Variants in SND1 observed in about 807,000 individuals in gnomAD.
The protein encoded by SND1 is staphylococcal nuclease and tudor domain containing 1.
Under a neutral mutation model 121.7 loss-of-function variants are expected in SND1, and 38 were observed. That is an observed-to-expected ratio of 0.31 (90% CI 0.24 to 0.41). The LOEUF (loss-of-function observed/expected upper bound fraction) is 0.41, where lower values mean the gene tolerates loss of function less well. Among genes scored for constraint, SND1 ranks in the 10% least tolerant of loss-of-function variants. SND1 has a pLI of 1.00. For synonymous variants in SND1, 401 were observed against 447.4 expected, an observed-to-expected ratio of 0.90 and a Z score of 1.31; for missense variants, 868 against 1,184.6, an observed-to-expected ratio of 0.73 and a Z score of 3.92.
intron 12 of SND1, chr7:127,858,306 G>T: frequency 1.0e-6 from 1 of 999,966 alleles, no homozygotes; most frequent in African/African-American, 1.6e-5. Flanking sequence ...GGTCACCCAG[G>T]CCCCTTGCTG....
chr7:127,849,178 T>C (rs774222554), intron 12 of SND1, among the ~76,000 whole-genome samples: 6 of 152,214 alleles, frequency 3.9e-5, no homozygotes, highest in Admixed American at 6.5e-5. Flanking sequence ...TTCCTGTTAA[T>C]TACTTTTTAT....
chr7:127,915,686 G>A (rs1217415708), intron 14 of SND1, among the ~76,000 whole-genome samples: 1 of 152,162 alleles, frequency 6.6e-6, no homozygotes, highest in East Asian at 1.9e-4. Context: ...GTGTATACTG[G>A]TGGCCACAGC....
intron 11 of SND1, among the ~76,000 whole-genome samples, chr7:127,815,060 G>C (rs1282777706): frequency 2.0e-5 from 3 of 152,074 alleles, no homozygotes; most frequent in Non-Finnish European, 4.4e-5. Flanking sequence ...TACCTGAGCA[G>C]TTATCTTCTT....
intron 16 of SND1, among the ~76,000 whole-genome samples, chr7:127,993,979 A>G (rs908871759): frequency 6.6e-6 from 1 of 152,342 alleles, no homozygotes; most frequent in East Asian, 1.9e-4. Flanking sequence ...TGCCAGGCAG[A>G]GAACAGGAAG....
intron 14 of SND1, among the ~76,000 whole-genome samples, chr7:127,925,814 C>T (rs1401465277): frequency 6.6e-6 from 1 of 151,856 alleles, no homozygotes; most frequent in Non-Finnish European, 1.5e-5. Context: ...AGGCTGGTCT[C>T]GAACTCGTGA....
intron 11 of SND1, among the ~76,000 whole-genome samples, chr7:127,832,272 T>C (rs1798754742): frequency 6.6e-6 from 1 of 152,260 alleles, no homozygotes; most frequent in African/African-American, 2.4e-5. Context: ...ATTGAATTCC[T>C]AGAAGTGGAA....
At chr7:128,088,446 CTTTTTTTTTTTTT>C (rs1047161140) in intron 21 of SND1, among the ~76,000 whole-genome samples, 1 of 80,112 alleles carries the variant, frequency 1.2e-5, no homozygotes, top group African/African-American at 5.3e-5. Flanking sequence ...CCCTATCTCT[CTTTTTTTTTTTTT>C]TTTTTTTTTT....
intron 9 of SND1, chr7:127,718,447 A>C (rs920835967): frequency 8.9e-6 from 3 of 338,712 alleles, no homozygotes; most frequent in Non-Finnish European, 1.3e-5. Context: ...CACAATTTAC[A>C]GAGGAATAAA....
chr7:128,091,094 G>A (rs1793771601), intron 22 of SND1, among the ~76,000 whole-genome samples: 1 of 152,202 alleles, frequency 6.6e-6, no homozygotes, highest in South Asian at 2.1e-4. Context: ...ATTCAAGCAT[G>A]AGGAGACAAC....
intron 16 of SND1, among the ~76,000 whole-genome samples, chr7:128,036,308 G>C (rs796901245): frequency 2.0e-5 from 3 of 152,202 alleles, no homozygotes; most frequent in Non-Finnish European, 2.9e-5. Context: ...GAATTGCAAA[G>C]GGAAGGTTAT....
rs182715697 is a variant in SND1, at chr7:127,745,778, T to A, written c.1152+24378T>A. On this transcript the variant is annotated intron_variant, in intron 10 of 23. Transcript: ENST00000354725. ...TGGCTTGATCATAGACTTAGTAAGT[T>A]TGTGAACCCCTTCCCCTGAACTTCC... is the stretch of plus-strand genomic sequence containing the variant. Among the ~76,000 whole-genome samples, 117 of 152,324 alleles carry A rather than the reference T, an allele frequency of 7.7e-4. 1 individual carries two copies. The highest frequency in any genetic ancestry group is 7.5e-3 in the Admixed American group (115 of 15,300).
chr7:127,858,469 G>A lies in SND1; in HGVS notation c.1343+14045G>A, dbSNP rs989115448. ...CCTCCTCTTCCAAGTCTGAGGCCTG[G>A]CGTGGGGTCTCATTTCTAGAGCTTT... is the stretch of plus-strand genomic sequence containing the variant. On this transcript the variant is annotated intron_variant, in intron 12 of 23. Transcript: ENST00000354725. 3 of 623,736 alleles carry A rather than the reference G, an allele frequency of 4.8e-6. No homozygotes were observed. The Admixed American group carries it at 7.4e-5, about 15-fold the overall frequency. 38.6% of individuals were successfully genotyped at this position (623,736 alleles called of 1,614,324 possible).
chr7:127,860,682 T>G (rs544606578), intron 12 of SND1, among the ~76,000 whole-genome samples: 1 of 152,376 alleles, frequency 6.6e-6, no homozygotes, highest in African/African-American at 2.4e-5. Flanking sequence ...ACTGTTGTTT[T>G]AAAACACCCT....
At chr7:127,820,460 A>G (rs1798528285) in intron 11 of SND1, among the ~76,000 whole-genome samples, 1 of 152,198 alleles carries the variant, frequency 6.6e-6, no homozygotes, top group Admixed American at 6.5e-5. Flanking sequence ...TTGAAGATCA[A>G]AGACAAAGAT....
chr7:127,711,412 T>C (rs186742572), intron 9 of SND1, among the ~76,000 whole-genome samples: 67 of 152,312 alleles, frequency 4.4e-4, no homozygotes, highest in Middle Eastern at 3.4e-3. Context: ...ATTGTATCTA[T>C]CAGTATCACT....
chr7:127,704,447 T>C (rs917440191), intron 7 of SND1, among the ~76,000 whole-genome samples: 3 of 152,184 alleles, frequency 2.0e-5, no homozygotes, highest in Non-Finnish European at 2.9e-5. Flanking sequence ...TCAGCTCTTA[T>C]GAAAGGGGGA....
chr7:127,690,245 T>C (rs1387054242), intron 2 of SND1, among the ~76,000 whole-genome samples: 2 of 152,172 alleles, frequency 1.3e-5, no homozygotes, highest in Admixed American at 1.3e-4. Flanking sequence ...CCTCATTACC[T>C]CTGTGACAAA....
chr7:128,091,595 C>T (rs1260962376), intron 22 of SND1, among the ~76,000 whole-genome samples: 1 of 152,088 alleles, frequency 6.6e-6, no homozygotes. Flanking sequence ...GGAGAGGTAG[C>T]CAGGAGGACG....
At chr7:127,763,658 C>CT (rs535534626) in intron 10 of SND1, among the ~76,000 whole-genome samples, 21 of 151,612 alleles carry the variant, frequency 1.4e-4, no homozygotes, top group East Asian at 3.9e-4. Context: ...AGCAGGTGAT[C>CT]TTTTTTTTAA....
Sources: gnomAD v4.1 joint callset for allele counts (sites outside exome capture counted in the v4.1 genomes callset) on GRCh38, gnomAD v4.1.1 for gene constraint, MANE v1.5 for transcripts, NCBI Gene and HGNC (gene_info 2026-07-23, HGNC 2026-07-21) for gene names.